AFF3: variants seen among roughly 807,000 people sequenced by gnomAD.
AFF3 encodes the protein AF4/FMR2 family member 3.
A neutral mutation model predicts 129.7 loss-of-function variants in AFF3; 32 were observed. That is an observed-to-expected ratio of 0.25 (90% CI 0.19 to 0.33). The LOEUF is 0.33. Among genes scored for constraint, AFF3 ranks in the 10% least tolerant of loss-of-function variants. The pLI, the probability that AFF3 is intolerant of heterozygous loss-of-function variation, is 1.00. For missense variants in AFF3, 1,373 were observed against 1,592.0 expected (o/e 0.86, Z 2.34); for synonymous variants, 644 against 635.4 (o/e 1.01, Z -0.20).
intron 8 of AFF3, among the ~76,000 whole-genome samples, chr2:99,778,931 T>G (rs1575956516): frequency 6.8e-6 from 1 of 146,730 alleles, no homozygotes; most frequent in South Asian, 2.1e-4. Flanking sequence ...TGTGTGTGTG[T>G]GGCGGGGTTG....
intron 14 of AFF3, among the ~76,000 whole-genome samples, chr2:99,601,031 A>C (rs925004317): frequency 1.3e-5 from 2 of 152,172 alleles, no homozygotes; most frequent in African/African-American, 4.8e-5. Flanking sequence ...TGTCCAACCC[A>C]TAAAACCCCT....
At chr2:100,014,089 T>A (rs1163693928) in intron 4 of AFF3, among the ~76,000 whole-genome samples, 2 of 151,598 alleles carry the variant, frequency 1.3e-5, no homozygotes, top group African/African-American at 4.8e-5. Flanking sequence ...CTCATCCACA[T>A]GCAGCCTGAT....
At chr2:99,808,815 T>C (rs1457589359) in intron 8 of AFF3, among the ~76,000 whole-genome samples, 1 of 152,212 alleles carries the variant, frequency 6.6e-6, no homozygotes, top group Non-Finnish European at 1.5e-5. Flanking sequence ...TAATGTACTT[T>C]CCCCCAACTA....
intron 11 of AFF3, among the ~76,000 whole-genome samples, chr2:99,675,338 A>T (rs1687510217): frequency 6.6e-6 from 1 of 152,130 alleles, no homozygotes; most frequent in African/African-American, 2.4e-5. Flanking sequence ...ACATTCCCGG[A>T]GCAATCCTGG....
intron 7 of AFF3, among the ~76,000 whole-genome samples, chr2:99,960,105 T>C (rs1677075382): frequency 6.6e-6 from 1 of 152,162 alleles, no homozygotes. Flanking sequence ...TAAGCCAAAA[T>C]ACAATTATGT....
chr2:99,917,686 T>G (rs1177745092), intron 7 of AFF3, among the ~76,000 whole-genome samples: 3 of 152,154 alleles, frequency 2.0e-5, no homozygotes, highest in African/African-American at 4.8e-5. Flanking sequence ...GACCCCAAAG[T>G]ATGAGAATTT....
intron 10 of AFF3, among the ~76,000 whole-genome samples, chr2:99,735,713 G>C (rs78195919): frequency 6.6e-6 from 1 of 152,086 alleles, no homozygotes; most frequent in Admixed American, 6.5e-5. Flanking sequence ...GACTGGTCTC[G>C]AATTCCTGAC....
At chr2:99,653,607 G>T (rs1441485580) in intron 12 of AFF3, among the ~76,000 whole-genome samples, 19 of 152,212 alleles carry the variant, frequency 1.2e-4, no homozygotes, top group Admixed American at 1.2e-3. Context: ...CCCAGTGGCG[G>T]CACCTGTTGG....
At chr2:100,130,381 C>T (rs1015964242) in intron 1 of AFF3, among the ~76,000 whole-genome samples, 5 of 152,296 alleles carry the variant, frequency 3.3e-5, no homozygotes, top group East Asian at 1.9e-4. Flanking sequence ...CTGTCCTCTG[C>T]GCAAAAGTAA....
At position 99,548,730 on chromosome 2, in the gene AFF3, C is replaced by A; in HGVS notation, c.*2744G>T. The A allele has an allele frequency of 4.4e-6, 1 of 229,264 alleles. No homozygotes were observed. The highest frequency in any genetic ancestry group is 8.7e-6 in the Non-Finnish European group (1 of 115,596). 14.2% of individuals were successfully genotyped at this position (229,264 alleles called of 1,614,324 possible). A position where few individuals can be genotyped will look rare whatever the true frequency, so the allele number is the denominator to read the frequency against. On this transcript the variant is annotated 3_prime_UTR_variant, in exon 25 of 25. Transcript: ENST00000672756. ...CGCATTCCAGCTTGGGCTACAGAGCCAGACCCGGTCTCAAAACCAACCAAA... is the reference window on the plus strand; with the variant it reads ...CGCATTCCAGCTTGGGCTACAGAGCAAGACCCGGTCTCAAAACCAACCAAA...
intron 13 of AFF3, among the ~76,000 whole-genome samples, chr2:99,621,884 T>A (rs1682054066): frequency 6.6e-6 from 1 of 151,760 alleles, no homozygotes; most frequent in Non-Finnish European, 1.5e-5. Flanking sequence ...GCAGGGCGAG[T>A]TGTGTGGGGG....
chr2:99,795,629 G>A (rs1019533393), intron 8 of AFF3, among the ~76,000 whole-genome samples: 3 of 151,934 alleles, frequency 2.0e-5, no homozygotes, highest in African/African-American at 4.8e-5. Context: ...TAAACTCCTC[G>A]GCTCGGCTTC....
intron 7 of AFF3, among the ~76,000 whole-genome samples, chr2:99,950,826 G>C (rs922672273): frequency 6.6e-6 from 1 of 152,076 alleles, no homozygotes; most frequent in African/African-American, 2.4e-5. Flanking sequence ...AGCTGAAAAC[G>C]TACTTCCTAT....
At chr2:99,888,693 C>CA (rs1258878472) in intron 7 of AFF3, among the ~76,000 whole-genome samples, 1 of 152,124 alleles carries the variant, frequency 6.6e-6, no homozygotes, top group Admixed American at 6.5e-5. Flanking sequence ...AAGACTAAAG[C>CA]ATGTGCATCA....
Position 100,037,354 on chromosome 2 carries a change from G to C in AFF3, c.54-28422C>G, listed in dbSNP as rs1052889977. 5.5e-5 allele frequency among the ~76,000 whole-genome samples: 8 copies of C among 144,700 alleles called. No homozygotes were observed. In the East Asian group the frequency reaches 1.6e-3, roughly 29 times the overall value. 94.9% of individuals were successfully genotyped at this position (144,700 alleles called of 152,430 possible). A position where few individuals can be genotyped will look rare whatever the true frequency, so the allele number is the denominator to read the frequency against. On this transcript the variant is annotated intron_variant, in intron 4 of 24. Coordinates refer to ENST00000672756, the MANE Select transcript of AFF3 (RefSeq NM_001386135.1). ...TGAACATGTGTGAAAGGCCCAAATA[G>C]GAATACACATATTTTATACATACAT...
intron 13 of AFF3, among the ~76,000 whole-genome samples, chr2:99,604,146 C>G (rs1456521793): frequency 6.6e-6 from 1 of 152,172 alleles, no homozygotes; most frequent in Non-Finnish European, 1.5e-5. Context: ...GAATATAGAT[C>G]ACTCTATCAT....
chr2:99,568,970 T>A, intron 18 of AFF3, 55 bp from the exon 19 acceptor site: 4 of 1,487,846 alleles, frequency 2.7e-6, no homozygotes, highest in Non-Finnish European at 3.7e-6. Flanking sequence ...AACGTCTTTT[T>A]AAAATATTCC....
chr2:99,676,007 G>A (rs1448279360), intron 11 of AFF3, among the ~76,000 whole-genome samples: 2 of 150,370 alleles, frequency 1.3e-5, no homozygotes, highest in Non-Finnish European at 3.0e-5. Flanking sequence ...TTAAAGGGAA[G>A]GCAAAGACCC....
At chr2:100,110,305 G>T (rs1691470406) in intron 2 of AFF3, 1 of 152,206 alleles carries the variant, frequency 6.6e-6, no homozygotes, top group African/African-American at 2.4e-5. Flanking sequence ...CAAGGTGTTG[G>T]TCTGCTTCAA....
Sources: allele counts gnomAD v4.1 joint callset (sites outside exome capture counted in the v4.1 genomes callset), GRCh38; gene constraint gnomAD v4.1.1; transcripts MANE v1.5; gene names NCBI Gene and HGNC (gene_info 2026-07-23, HGNC 2026-07-21).